The following LGR6 variants were observed in gnomAD, a reference collection of about 807,000 sequenced individuals.
LGR6 encodes leucine-rich repeat-containing G protein-coupled receptor 6.
Under a neutral mutation model 69.4 loss-of-function variants are expected in LGR6, and 45 were observed. The ratio of observed to expected loss-of-function variants is 0.65; its 90% CI spans 0.51 to 0.83. The LOEUF (loss-of-function observed/expected upper bound fraction) is 0.83, where lower values mean the gene tolerates loss of function less well. LGR6 is among the 40% of genes least tolerant of loss of function. LGR6 has a pLI of 0.00. For missense variants in LGR6, 1,108 were observed against 1,246.7 expected (o/e 0.89, Z 1.68); for synonymous variants, 538 against 555.0 (o/e 0.97, Z 0.43).
At chr1:202,291,891 T>C (rs995336229) in intron 6 of LGR6, among the ~76,000 whole-genome samples, 2 of 152,248 alleles carry the variant, frequency 1.3e-5, no homozygotes, top group African/African-American at 4.8e-5. Flanking sequence ...ATGCTATGCA[T>C]GCAGAGGACG....
In LGR6 at chr1:202,194,211, G is replaced by A. The variant is rs372104886; in HGVS notation, c.212+10G>A. On this transcript the variant is annotated intron_variant, in intron 1 of 17. Coordinates refer to ENST00000367278, the MANE Select transcript of LGR6 (RefSeq NM_001017403.2). ...CCCTGACGGCTTACCTGTGAGTACT[G>A]CCCGCCTGTCCCCGCCTGGTCCTGC... 6.5e-7 allele frequency: 1 copy of A among 1,540,314 alleles called. No individual in the cohort carries two copies. Among genetic ancestry groups the A allele is most frequent in the Non-Finnish European group, 8.7e-7 (1 of 1,149,614 alleles).
intron 1 of LGR6, among the ~76,000 whole-genome samples, chr1:202,216,323 GAAGT>G (rs1432435812): frequency 1.3e-5 from 2 of 152,178 alleles, no homozygotes; most frequent in Non-Finnish European, 2.9e-5. Context: ...AAAGACAGGT[GAAGT>G]AATTATCCAA....
chr1:202,304,225 T>A (rs903005023), intron 10 of LGR6, among the ~76,000 whole-genome samples: 1 of 152,188 alleles, frequency 6.6e-6, no homozygotes, highest in African/African-American at 2.4e-5. Context: ...AAGATTTGTG[T>A]CCCTGTCCTA....
intron 10 of LGR6, among the ~76,000 whole-genome samples, chr1:202,303,889 G>A (rs529782238): frequency 7.3e-4 from 111 of 152,254 alleles, no homozygotes; most frequent in African/African-American, 2.6e-3. Flanking sequence ...ACTGGGACTG[G>A]GGCTCTCCTC....
At chr1:202,278,425 G>A (rs1310658088) in intron 5 of LGR6, among the ~76,000 whole-genome samples, 1 of 152,076 alleles carries the variant, frequency 6.6e-6, no homozygotes, top group Non-Finnish European at 1.5e-5. Context: ...AGAGATTGAG[G>A]GGAAGGCCCA....
At chr1:202,264,710 C>T (rs892933794) in intron 4 of LGR6, among the ~76,000 whole-genome samples, 1 of 152,204 alleles carries the variant, frequency 6.6e-6, no homozygotes, top group South Asian at 2.1e-4. Flanking sequence ...AGGCTACACA[C>T]AGAGGCACTT....
At chr1:202,284,472 A>G (rs761752147) in intron 6 of LGR6, among the ~76,000 whole-genome samples, 2 of 152,254 alleles carry the variant, frequency 1.3e-5, no homozygotes, top group Non-Finnish European at 2.9e-5. Context: ...GTAAACCACT[A>G]GAAACCATAC....
At chr1:202,280,174 G>A (rs962218368) in intron 5 of LGR6, among the ~76,000 whole-genome samples, 1 of 151,752 alleles carries the variant, frequency 6.6e-6, no homozygotes, top group African/African-American at 2.4e-5. Flanking sequence ...GCATCACTTC[G>A]GGTCCCCCTT....
intron 14 of LGR6, 56 bp downstream of exon 14, chr1:202,307,457 C>G: frequency 1.3e-6 from 2 of 1,548,570 alleles, no homozygotes; most frequent in South Asian, 2.2e-5. Context: ...GGACTATGGG[C>G]TGGCCAATGG....
rs543271969 is a variant in LGR6, at chr1:202,294,913, G to A, written c.717-2595G>A. ...TGAGGTATAATTTGGGCAGAGACCT[G>A]AATGAAGTGAGTAAACCATAGAAGT... On this transcript the variant is annotated intron_variant, in intron 6 of 17. Coordinates refer to ENST00000367278, the MANE Select transcript of LGR6 (RefSeq NM_001017403.2). Among the ~76,000 whole-genome samples the A allele has an allele frequency of 2.6e-5, 4 of 152,364 alleles. No individual in the cohort carries two copies. In the East Asian group the frequency reaches 7.7e-4, roughly 29 times the overall value.
At chr1:202,244,951 A>T (rs1409475090) in intron 4 of LGR6, among the ~76,000 whole-genome samples, 1 of 152,140 alleles carries the variant, frequency 6.6e-6, no homozygotes, top group Non-Finnish European at 1.5e-5. Context: ...TGGAGAAGGG[A>T]GCAACAGGGG....
At chr1:202,208,551 G>C (rs910564854) in intron 1 of LGR6, among the ~76,000 whole-genome samples, 6 of 152,000 alleles carry the variant, frequency 3.9e-5, no homozygotes, top group African/African-American at 1.5e-4. Context: ...GCCATCATCA[G>C]CACCTCGAGG....
At chr1:202,232,781 G>A (rs1366237493) in intron 3 of LGR6, among the ~76,000 whole-genome samples, 3 of 152,132 alleles carry the variant, frequency 2.0e-5, no homozygotes, top group African/African-American at 2.4e-5. Context: ...GGAAAACATC[G>A]TCACAAAAGC....
intron 3 of LGR6, among the ~76,000 whole-genome samples, chr1:202,228,903 T>A (rs1179349953): frequency 6.6e-6 from 1 of 152,180 alleles, no homozygotes; most frequent in Non-Finnish European, 1.5e-5. Context: ...TTCCCAACTC[T>A]GCTACTCCCT....
At chr1:202,312,916 T>C (rs1653853654) in intron 16 of LGR6, among the ~76,000 whole-genome samples, 1 of 151,878 alleles carries the variant, frequency 6.6e-6, no homozygotes, top group Non-Finnish European at 1.5e-5. Context: ...TGAGAAACAC[T>C]GCAAAAGTGA....
chr1:202,257,700 G>A (rs887849016), intron 4 of LGR6, among the ~76,000 whole-genome samples: 3 of 152,054 alleles, frequency 2.0e-5, no homozygotes, highest in African/African-American at 7.2e-5. Context: ...ACCATATAGG[G>A]CTATATGGTC....
At chr1:202,283,025 G>C (rs1453775447) in intron 6 of LGR6, among the ~76,000 whole-genome samples, 1 of 152,228 alleles carries the variant, frequency 6.6e-6, no homozygotes. Flanking sequence ...ATTTGCCTCT[G>C]TGAGTCTCCG....
chr1:202,301,259 T>C (rs755481197), intron 9 of LGR6, 24 bp downstream of exon 9: 1 of 1,600,522 alleles, frequency 6.2e-7, no homozygotes, highest in Admixed American at 1.7e-5. Flanking sequence ...TGAAGGCTGC[T>C]GCAGCCTGAA....
At chr1:202,239,345 G>T (rs1026120380) in intron 4 of LGR6, among the ~76,000 whole-genome samples, 2 of 11,106 alleles carry the variant, frequency 1.8e-4, no homozygotes, top group East Asian at 4.2e-3. Context: ...TGTGTGTGTG[G>T]TGTGTGTGTG....
Sources: allele counts gnomAD v4.1 joint callset (sites outside exome capture counted in the v4.1 genomes callset), GRCh38; gene constraint gnomAD v4.1.1; transcripts MANE v1.5; gene names NCBI Gene and HGNC (gene_info 2026-07-23, HGNC 2026-07-21).